TRAK1: variants seen among roughly 807,000 people sequenced by gnomAD.
The protein encoded by TRAK1 is trafficking kinesin-binding protein 1.
Under a neutral mutation model 92.1 loss-of-function variants are expected in TRAK1, and 33 were observed. That is an observed-to-expected ratio of 0.36 (90% CI 0.27 to 0.48). The LOEUF is 0.48. Among genes scored for constraint, TRAK1 ranks in the 20% least tolerant of loss-of-function variants. TRAK1 has a pLI of 0.99. For missense variants in TRAK1, 1,123 were observed against 1,257.9 expected, an observed-to-expected ratio of 0.89 and a Z score of 1.62; for synonymous variants, 521 against 517.3, an observed-to-expected ratio of 1.01 and a Z score of -0.10.
At chr3:42,023,126 C>G (rs1314898555) in intron 1 of TRAK1, among the ~76,000 whole-genome samples, 1 of 131,074 alleles carries the variant, frequency 7.6e-6, no homozygotes, top group Non-Finnish European at 1.5e-5. Context: ...CCACTACACT[C>G]CAGCCTGGGC....
intron 1 of TRAK1, among the ~76,000 whole-genome samples, chr3:42,044,291 G>A (rs1702672370): frequency 6.6e-6 from 1 of 152,108 alleles, no homozygotes; most frequent in South Asian, 2.1e-4. Flanking sequence ...CTCCCTAGTA[G>A]CTGGAACCAC....
chr3:42,174,847 A>G (rs1388694745), intron 2 of TRAK1, among the ~76,000 whole-genome samples: 1 of 151,660 alleles, frequency 6.6e-6, no homozygotes, highest in East Asian at 1.9e-4. Context: ...GATAACAGCC[A>G]TTAGCCACCT....
At chr3:42,128,511 G>A (rs575535050) in intron 2 of TRAK1, among the ~76,000 whole-genome samples, 1 of 152,348 alleles carries the variant, frequency 6.6e-6, no homozygotes, top group East Asian at 1.9e-4. Flanking sequence ...CTGTAGAGCA[G>A]AGCTCTCTCA....
chr3:42,170,679 TAGG>T (rs1279746287), intron 2 of TRAK1, among the ~76,000 whole-genome samples: 1 of 152,062 alleles, frequency 6.6e-6, no homozygotes, highest in Non-Finnish European at 1.5e-5. Context: ...GTGTAGAAGA[TAGG>T]AGGAAAAATT....
chr3:42,149,708 A>G (rs1576631861), intron 2 of TRAK1: 2 of 1,405,512 alleles, frequency 1.4e-6, no homozygotes, highest in Admixed American at 4.2e-5. Flanking sequence ...GGCGGGTGGG[A>G]GGTACCAGAA....
In TRAK1 at chr3:42,177,907, G is replaced by A. The variant is rs116258655; in HGVS notation, c.363+1017G>A. ...CCCAGAAGTGATGTCAGGGTTTTTG[G>A]CTATGTGACAGGGTGTCAAGGGCGG... On this transcript the variant is annotated intron_variant, in intron 3 of 15. Coordinates refer to ENST00000327628, the MANE Select transcript of TRAK1 (RefSeq NM_001042646.3). 6.5e-3 allele frequency among the ~76,000 whole-genome samples: 996 copies of A among 152,260 alleles called. 6 individuals carry two copies. Among genetic ancestry groups the A allele is most frequent in the African/African-American group, 0.021 (873 of 41,534 alleles).
chr3:42,099,233 C>T (rs1706385827), intron 1 of TRAK1, among the ~76,000 whole-genome samples: 8 of 151,994 alleles, frequency 5.3e-5, no homozygotes. Flanking sequence ...AGGACGGCCG[C>T]CAACCTCTAC....
chr3:42,082,737 C>T (rs1704496406), upstream of TRAK1, among the ~76,000 whole-genome samples: 1 of 151,592 alleles, frequency 6.6e-6, no homozygotes, highest in African/African-American at 2.4e-5. Context: ...TTGCATTTTG[C>T]AAAGTGAGAA....
intron 1 of TRAK1, among the ~76,000 whole-genome samples, 200 bp downstream of exon 1, chr3:42,091,760 AC>A (rs572076948): frequency 1.3e-5 from 2 of 148,758 alleles, no homozygotes; most frequent in Non-Finnish European, 1.5e-5. Flanking sequence ...TGCCCTCACC[AC>A]CCCCCCATCT....
At chr3:42,218,961 A>G in intron 14 of TRAK1, 1 of 985,362 alleles carries the variant, frequency 1.0e-6, no homozygotes, top group Non-Finnish European at 1.2e-6. Flanking sequence ...ACAAATAGAC[A>G]GTAGTGGAGC....
intron 1 of TRAK1, among the ~76,000 whole-genome samples, chr3:42,104,319 C>T (rs570188295): frequency 6.2e-4 from 94 of 152,292 alleles, no homozygotes; most frequent in African/African-American, 2.2e-3. Context: ...ACTTAAATGT[C>T]CCTGTCTGAC....
upstream of TRAK1, among the ~76,000 whole-genome samples, chr3:42,088,156 T>C (rs1391951487): frequency 1.3e-5 from 2 of 152,220 alleles, no homozygotes; most frequent in Non-Finnish European, 2.9e-5. Context: ...CTTTTGTTTG[T>C]CTGTTTGAAG....
rs138796508 is a variant in TRAK1 at position 42,071,942 on chromosome 3, T to C, written c.-518-15162T>C. Among the ~76,000 whole-genome samples, 1,025 of 152,294 alleles carry C rather than the reference T, an allele frequency of 6.7e-3. 5 individuals are homozygous for C. The highest frequency in any genetic ancestry group is 0.01 in the Non-Finnish European group (704 of 68,022). On this transcript the variant is annotated intron_variant, in intron 1 of 16. Transcript: ENST00000487159. Reference sequence around the variant, plus strand: ...ACCACTCCTACCACCCTTCCTGGCTTTGGCCAGCCTCCAGAATTCCTCCTG... The same window carrying C: ...ACCACTCCTACCACCCTTCCTGGCTCTGGCCAGCCTCCAGAATTCCTCCTG...
intron 1 of TRAK1, among the ~76,000 whole-genome samples, chr3:42,071,312 G>A: frequency 6.6e-6 from 1 of 152,180 alleles, no homozygotes; most frequent in Admixed American, 6.5e-5. Flanking sequence ...ATCCTAGGCT[G>A]TGACAGCTTG....
At chr3:42,037,379 C>T (rs560264471) in intron 1 of TRAK1, among the ~76,000 whole-genome samples, 1 of 152,330 alleles carries the variant, frequency 6.6e-6, no homozygotes, top group East Asian at 1.9e-4. Flanking sequence ...AGACCAGAAG[C>T]TTCCAGAGGT....
chr3:42,049,097 C>G (rs1414342868), intron 1 of TRAK1, among the ~76,000 whole-genome samples: 1 of 152,190 alleles, frequency 6.6e-6, no homozygotes, highest in Non-Finnish European at 1.5e-5. Flanking sequence ...CCATGTTGCC[C>G]AGGCTGGTCT....
intron 2 of TRAK1, among the ~76,000 whole-genome samples, chr3:42,134,207 CCCCCT>C (rs1410261627): frequency 5.3e-4 from 36 of 68,088 alleles, no homozygotes; most frequent in Non-Finnish European, 8.5e-4. Flanking sequence ...CTTCCCCTTC[CCCCCT>C]CCCCTCCTCT....
intron 1 of TRAK1, among the ~76,000 whole-genome samples, chr3:42,063,515 G>C (rs1422810636): frequency 1.3e-5 from 2 of 152,108 alleles, no homozygotes; most frequent in African/African-American, 4.8e-5. Context: ...GCAAAACCCT[G>C]TCTCTACAAA....
intron 1 of TRAK1, chr3:42,051,305 ATTG>A (rs1276590887): frequency 1.3e-5 from 2 of 152,244 alleles, no homozygotes; most frequent in Non-Finnish European, 2.9e-5. Context: ...CATATCTGTC[ATTG>A]TTGTAGATCC....
Sources: gnomAD v4.1 joint callset for allele counts (sites outside exome capture counted in the v4.1 genomes callset) on GRCh38, gnomAD v4.1.1 for gene constraint, MANE v1.5 for transcripts, NCBI Gene and HGNC (gene_info 2026-07-23, HGNC 2026-07-21) for gene names.